Variants in SUN1 observed in about 807,000 individuals in gnomAD.
SUN1 encodes SUN domain-containing protein 1.
Under a neutral mutation model 103.2 loss-of-function variants are expected in SUN1, and 61 were observed. The ratio of observed to expected loss-of-function variants is 0.59; its 90% CI spans 0.48 to 0.73. SUN1 has a LOEUF of 0.73. SUN1 is among the 30% of genes least tolerant of loss of function. The pLI is 0.00. For missense variants in SUN1, 1,052 were observed against 1,034.6 expected, an observed-to-expected ratio of 1.02 and a Z score of -0.23; for synonymous variants, 490 against 425.7, an observed-to-expected ratio of 1.15 and a Z score of -1.86.
At chr7:843,549 A>G in intron 5 of SUN1, 29 bp downstream of exon 5, 2 of 1,613,844 alleles carry the variant, frequency 1.2e-6, no homozygotes. Flanking sequence ...AAACTCAGAA[A>G]AAGGTGTGTT....
At position 826,726 on chromosome 7, in the gene SUN1, A is replaced by G. The variant is rs536500558; in HGVS notation, c.-74+10053A>G. ...GTTTCTGATGGGAACGCTGCGTCTC[A>G]CTGGGCTCCCTCTCAGTGTTAGTCC... is the stretch of plus-strand genomic sequence containing the variant. On this transcript the variant is annotated intron_variant, in intron 1 of 17. Coordinates refer to the SUN1 transcript ENST00000389574. Among the ~76,000 whole-genome samples the G allele has an allele frequency of 4.6e-5, 7 of 152,296 alleles. No individual in the cohort carries two copies. In the East Asian group the frequency reaches 1.3e-3, roughly 29 times the overall value.
upstream of SUN1, among the ~76,000 whole-genome samples, chr7:827,652 G>T (rs1036188768): frequency 2.0e-5 from 3 of 151,302 alleles, no homozygotes; most frequent in African/African-American, 7.3e-5. Flanking sequence ...TGTATTTTTA[G>T]TAGAGATGGG....
upstream of SUN1, chr7:816,587 G>A (rs777280880): frequency 8.6e-4 from 343 of 397,268 alleles, 3 homozygotes; most frequent in South Asian, 5.7e-3. Flanking sequence ...TCGGCCCGGG[G>A]CGCGGCCCGC....
intron 13 of SUN1, among the ~76,000 whole-genome samples, chr7:859,152 CAAAA>C (rs140482514): frequency 7.9e-5 from 7 of 88,678 alleles, no homozygotes; most frequent in Non-Finnish European, 7.2e-5. Context: ...GACTCCGTCT[CAAAA>C]AAAAAAAAAA....
intron 14 of SUN1, 97 bp downstream of exon 14, chr7:860,479 A>T: frequency 3.2e-6 from 5 of 1,547,302 alleles, no homozygotes; most frequent in Middle Eastern, 4.8e-4. Flanking sequence ...GTCTTGTTTT[A>T]AGAGTGGTCT....
At chr7:859,211 C>G (rs2128452550) in intron 13 of SUN1, among the ~76,000 whole-genome samples, 1 of 151,956 alleles carries the variant, frequency 6.6e-6, no homozygotes, top group East Asian at 1.9e-4. Context: ...GGAGCTGAGT[C>G]CTACTGATGG....
intron 11 of SUN1, among the ~76,000 whole-genome samples, chr7:855,702 G>A (rs1036055432): frequency 5.3e-5 from 8 of 152,258 alleles, no homozygotes; most frequent in Non-Finnish European, 1.0e-4. Context: ...GCTGAGAGGA[G>A]CAGGCAGAGG....
intron 1 of SUN1, among the ~76,000 whole-genome samples, chr7:823,149 C>T (rs962796289): frequency 1.3e-5 from 2 of 152,250 alleles, no homozygotes; most frequent in African/African-American, 4.8e-5. Flanking sequence ...CGCCCCCTTC[C>T]AGTCACGTGC....
At position 853,547 on chromosome 7, in the gene SUN1, G is replaced by T; in HGVS notation, c.1192G>T (p.Asp398Tyr). ...GCTACAGAAGCTGCAGGCTCGGGTG[G>T]ACCAGATGGAAGGCGGCGCTGCCGG... ...TLLQKLQARV[D>Y]QMEGGAAGPS... The change falls in exon 10 of 19, where the codon GAC becomes TAC. Residue 398 changes from aspartate (D) to tyrosine (Y), a missense_variant. Physicochemically the swap from Asp to Tyr is radical, Grantham distance 160. Around this residue, in one of 2 missense-constraint regions of SUN1, gnomAD observed 846 missense variants for 774.5 expected, o/e 1.09. Coordinates refer to ENST00000401592, the MANE Select transcript of SUN1 (RefSeq NM_001130965.3). 2.5e-6 allele frequency: 4 copies of T among 1,612,948 alleles called. No homozygotes were observed. Among genetic ancestry groups the T allele is most frequent in the Non-Finnish European group, 3.4e-6 (4 of 1,180,032 alleles).
chr7:843,335 C>T lies in SUN1; in HGVS notation c.479-6C>T. 6.2e-7 allele frequency: 1 copy of T among 1,604,334 alleles called. No individual in the cohort carries two copies. Among genetic ancestry groups the T allele is most frequent in the Non-Finnish European group, 8.5e-7 (1 of 1,175,906 alleles). ...ACAGGTTCCATCTACTGTTTGAAAACTTTAGGTGGAAATAAAGCTGCCATT... is the reference window on the plus strand; with the variant it reads ...ACAGGTTCCATCTACTGTTTGAAAATTTTAGGTGGAAATAAAGCTGCCATT... On this transcript the variant is annotated splice_polypyrimidine_tract_variant and splice_region_variant and intron_variant, in intron 4 of 18. Coordinates refer to ENST00000401592, the MANE Select transcript of SUN1 (RefSeq NM_001130965.3).
At chr7:866,095 C>G (rs994121749) in intron 16 of SUN1, 28 bp downstream of exon 16, 1 of 1,595,144 alleles carries the variant, frequency 6.3e-7, no homozygotes, top group Admixed American at 1.7e-5. Flanking sequence ...GCCGGAGCTG[C>G]TCCTCTTCAG....
rs1168761616 is a variant in SUN1, at chr7:852,969, G to A, written c.1053+17G>A. 1.2e-6 allele frequency: 2 copies of A among 1,605,302 alleles called. No homozygotes were observed. Among genetic ancestry groups the A allele is most frequent in the African/African-American group, 1.3e-5 (1 of 74,606 alleles). ...CCTCTGCAGGTAAGAGGGTAGAAAG[G>A]CCTCTCAGCTGGCACTGCACATGTG... On this transcript the variant is annotated intron_variant, in intron 9 of 18. Coordinates refer to ENST00000401592, the MANE Select transcript of SUN1 (RefSeq NM_001130965.3).
chr7:826,367 T>C (rs551587655), intron 1 of SUN1, among the ~76,000 whole-genome samples: 11 of 150,938 alleles, frequency 7.3e-5, no homozygotes, highest in African/African-American at 2.2e-4. Flanking sequence ...TCTGTGTGTG[T>C]GCGCCTGTGT....
chr7:828,139 GGT>G (rs546499208), upstream of SUN1, among the ~76,000 whole-genome samples: 152 of 149,836 alleles, frequency 1.0e-3, no homozygotes, highest in African/African-American at 3.6e-3. Context: ...CCTGACCTTA[GGT>G]GATCCACCCA....
At chr7:817,651 A>T (rs1782061392) in intron 1 of SUN1, among the ~76,000 whole-genome samples, 1 of 152,122 alleles carries the variant, frequency 6.6e-6, no homozygotes, top group African/African-American at 2.4e-5. Flanking sequence ...CTAATTGCTA[A>T]AGCTTTGTAT....
rs940744600 is a variant in SUN1, at chr7:869,143, T to C, written c.1981-206T>C. On this transcript the variant is annotated intron_variant, in intron 16 of 18. Coordinates refer to ENST00000401592, the MANE Select transcript of SUN1 (RefSeq NM_001130965.3). ...TTTAAGGTTCTGGTCGTTTTAACTT[T>C]TATACAACATATGGGTTGGAGATAG... 6.6e-5 allele frequency: 41 copies of C among 625,716 alleles called. No homozygotes were observed. The African/African-American group carries it at 6.8e-4, about 10-fold the overall frequency. 38.8% of individuals were successfully genotyped at this position (625,716 alleles called of 1,614,324 possible). A position where few individuals can be genotyped will look rare whatever the true frequency, so the allele number is the denominator to read the frequency against.
chr7:858,578 C>T (rs770078431), intron 13 of SUN1, among the ~76,000 whole-genome samples: 2 of 152,094 alleles, frequency 1.3e-5, no homozygotes, highest in Non-Finnish European at 2.9e-5. Context: ...TGGGTTGTTG[C>T]TGTGTACCTT....
upstream of SUN1, among the ~76,000 whole-genome samples, chr7:828,895 A>G (rs976018053): frequency 1.3e-5 from 2 of 152,198 alleles, no homozygotes; most frequent in South Asian, 2.1e-4. Flanking sequence ...ACCCATGTCC[A>G]GGGCTTTCTG....
At chr7:827,108 G>A (rs184828015) in intron 1 of SUN1, among the ~76,000 whole-genome samples, 5 of 152,090 alleles carry the variant, frequency 3.3e-5, no homozygotes, top group Non-Finnish European at 5.9e-5. Flanking sequence ...TGCAACCTCT[G>A]CCTCCCGGGT....
Sources: gnomAD v4.1 joint callset for allele counts (sites outside exome capture counted in the v4.1 genomes callset) on GRCh38, gnomAD v4.1.1 for gene constraint, gnomAD v4.1.1 regional missense constraint, MANE v1.5 for transcripts, NCBI Gene and HGNC (gene_info 2026-07-23, HGNC 2026-07-21) for gene names.